The following RAB8B variants were observed in gnomAD, a reference collection of about 807,000 sequenced individuals.
RAB8B encodes RAB8B, member RAS oncogene family.
In RAB8B, 11 loss-of-function variants were observed where a neutral mutation model predicts 32.0. That is an observed-to-expected ratio of 0.34 (90% confidence interval 0.22 to 0.57). The LOEUF (loss-of-function observed/expected upper bound fraction) is 0.57, where lower values mean the gene tolerates loss of function less well. RAB8B is among the 20% of genes least tolerant of loss of function. The pLI, the probability that RAB8B is intolerant of heterozygous loss-of-function variation, is 0.86. For synonymous variants in RAB8B, 103 were observed against 89.6 expected (o/e 1.15, Z -0.85); for missense variants, 190 against 258.5 (o/e 0.73, Z 1.82).
At position 63,259,704 on chromosome 15, in the gene RAB8B, A is replaced by C; in HGVS notation, c.480+12A>C. 1 of 1,611,432 alleles carries C rather than the reference A, an allele frequency of 6.2e-7. No individual in the cohort carries two copies. The highest frequency in any genetic ancestry group is 8.5e-7 in the Non-Finnish European group (1 of 1,177,564). ...CAAATGTAGAAGAGGTAAGAAGGAA[A>C]CGTTTGGTGACTGTTACGGAGCAGC... On this transcript the variant is annotated intron_variant, in intron 6 of 7. Coordinates refer to ENST00000321437, the MANE Select transcript of RAB8B (RefSeq NM_016530.3). This position sits in a 1 kb window ranked among gnomAD's most constrained non-coding sequence, Gnocchi z 4.4.
intron 1 of RAB8B, among the ~76,000 whole-genome samples, chr15:63,202,089 TAAAAAAAAAAAAAA>T (rs146981058): frequency 1.2e-5 from 1 of 85,772 alleles, no homozygotes; most frequent in Non-Finnish European, 2.2e-5. Context: ...CCGTCTCTAC[TAAAAAAAAAAAAAA>T]AAAAAAAAAA....
chr15:63,230,369 T>G (rs1025631950), intron 1 of RAB8B, among the ~76,000 whole-genome samples: 1 of 151,908 alleles, frequency 6.6e-6, no homozygotes, highest in Admixed American at 6.6e-5. Context: ...TGGCTTGATC[T>G]CGGCTCACTG....
chr15:63,220,244 A>G (rs2037833038), intron 1 of RAB8B, among the ~76,000 whole-genome samples: 1 of 152,208 alleles, frequency 6.6e-6, no homozygotes, highest in Non-Finnish European at 1.5e-5. Flanking sequence ...CTTTCGTTCT[A>G]TTTCATTTCT....
intron 2 of RAB8B, among the ~76,000 whole-genome samples, chr15:63,245,158 G>A (rs111569614): frequency 7.2e-5 from 11 of 152,294 alleles, no homozygotes; most frequent in African/African-American, 2.2e-4. Flanking sequence ...GAGTAGTCAC[G>A]TCGCAGGAAC....
intron 3 of RAB8B, chr15:63,251,199 A>G (rs1207560937): frequency 1.1e-5 from 5 of 440,824 alleles, no homozygotes; most frequent in South Asian, 8.1e-5. Flanking sequence ...GCCACTTTCT[A>G]TTTTGCTTAG....
chr15:63,252,630 A>G (rs550694274), intron 3 of RAB8B, among the ~76,000 whole-genome samples: 3 of 152,232 alleles, frequency 2.0e-5, no homozygotes, highest in Non-Finnish European at 4.4e-5. Context: ...AGGCAGCCAA[A>G]CACATTGCAT....
rs1293895549 is a variant in RAB8B, at chr15:63,265,272, G to C, written c.*1653G>C. 1 of 151,932 alleles carries C rather than the reference G, an allele frequency of 6.6e-6. No homozygotes were observed. The highest frequency in any genetic ancestry group is 1.5e-5 in the Non-Finnish European group (1 of 67,976). The allele number at this position is 151,932 out of a possible 1,614,324, so 9.4% of individuals were successfully genotyped here. A position where few individuals can be genotyped will look rare whatever the true frequency, so the allele number is the denominator to read the frequency against. On this transcript the variant is annotated 3_prime_UTR_variant, in exon 8 of 8. Transcript: ENST00000321437. This position sits in a 1 kb window ranked among gnomAD's most constrained non-coding sequence, Gnocchi z 4.9. ...GAATGCTTGGACCAGTCAATCTTTT[G>C]TACTTATTTGAAAATATAGGAACAA...
At chr15:63,208,550 C>T (rs545205998) in intron 1 of RAB8B, among the ~76,000 whole-genome samples, 1 of 152,258 alleles carries the variant, frequency 6.6e-6, no homozygotes, top group East Asian at 1.9e-4. Context: ...TTTATTCTCA[C>T]TACCACCACC....
chr15:63,249,711 T>G lies in RAB8B; in HGVS notation c.246+6T>G. 1 of 1,612,592 alleles carries G rather than the reference T, an allele frequency of 6.2e-7. No homozygotes were observed. Among genetic ancestry groups the G allele is most frequent in the Non-Finnish European group, 8.5e-7 (1 of 1,179,188 alleles). ...CGTACTACAGAGGAGCCATGGTGAGTGTGTTGTAGGGTTTTGTAACTCTTC... is the reference window on the plus strand; with the variant it reads ...CGTACTACAGAGGAGCCATGGTGAGGGTGTTGTAGGGTTTTGTAACTCTTC... On this transcript the variant is annotated splice_donor_region_variant and intron_variant, in intron 3 of 7. Coordinates refer to ENST00000321437, the MANE Select transcript of RAB8B (RefSeq NM_016530.3).
intron 1 of RAB8B, among the ~76,000 whole-genome samples, chr15:63,207,192 T>C (rs967447039): frequency 1.3e-5 from 2 of 152,232 alleles, no homozygotes; most frequent in African/African-American, 4.8e-5. Context: ...GATTATTGCA[T>C]TGATGTCCAT....
rs142118730 is a variant in RAB8B, at chr15:63,204,004, G to A, written c.124+14256G>A. Among the ~76,000 whole-genome samples the A allele has an allele frequency of 3.6e-3, 553 of 152,152 alleles. 1 individual carries two copies. Among genetic ancestry groups the A allele is most frequent in the Non-Finnish European group, 5.1e-3 (346 of 67,998 alleles). ...TCTTCTCTGCAGAGGGTTGTCGGGG[G>A]GTGGTTGAATGAAGTGCTGTGGTAA... On this transcript the variant is annotated intron_variant, in intron 1 of 7. Transcript: ENST00000321437.
chr15:63,212,145 C>A (rs2037753023), intron 1 of RAB8B, among the ~76,000 whole-genome samples: 1 of 152,270 alleles, frequency 6.6e-6, no homozygotes, highest in South Asian at 2.1e-4. Context: ...AAAGCCCCAT[C>A]TTCCTACACA....
chr15:63,250,025 A>G (rs1363966800), intron 3 of RAB8B, among the ~76,000 whole-genome samples: 2 of 152,082 alleles, frequency 1.3e-5, no homozygotes, highest in African/African-American at 2.4e-5. Flanking sequence ...AGTCCCAGCT[A>G]CTCGGGAGGC....
chr15:63,209,001 T>C (rs931734952), intron 1 of RAB8B, among the ~76,000 whole-genome samples: 1 of 151,432 alleles, frequency 6.6e-6, no homozygotes, highest in African/African-American at 2.4e-5. Context: ...CAAGCGATTC[T>C]GCCTCAGCCT....
At chr15:63,212,354 G>C (rs1185879985) in intron 1 of RAB8B, among the ~76,000 whole-genome samples, 1 of 152,178 alleles carries the variant, frequency 6.6e-6, no homozygotes, top group Non-Finnish European at 1.5e-5. Flanking sequence ...GATTGCACCA[G>C]CACATTTTTC....
intron 1 of RAB8B, among the ~76,000 whole-genome samples, chr15:63,240,388 C>G (rs1000892202): frequency 6.6e-6 from 1 of 152,088 alleles, no homozygotes. Flanking sequence ...TCACACACAT[C>G]GTCTAATTTA....
intron 1 of RAB8B, among the ~76,000 whole-genome samples, chr15:63,232,336 T>C (rs946594535): frequency 1.3e-5 from 2 of 152,188 alleles, no homozygotes; most frequent in African/African-American, 2.4e-5. Context: ...AATAGAGACA[T>C]TGTTTAAAAC....
At position 63,266,951 on chromosome 15, in the gene RAB8B, T is replaced by A. The variant is rs749233009; in HGVS notation, c.*3332T>A. 5 of 152,512 alleles carry A rather than the reference T, an allele frequency of 3.3e-5. No homozygotes were observed. Among genetic ancestry groups the A allele is most frequent in the Admixed American group, 3.3e-4 (5 of 15,274 alleles). The allele number at this position is 152,512 out of a possible 1,614,324, so 9.4% of individuals were successfully genotyped here. A position where few individuals can be genotyped will look rare whatever the true frequency, so the allele number is the denominator to read the frequency against. On this transcript the variant is annotated 3_prime_UTR_variant, in exon 8 of 8. Coordinates refer to ENST00000321437, the MANE Select transcript of RAB8B (RefSeq NM_016530.3). The stretch of plus-strand genomic sequence containing the variant: ...AATCTTTAAAAACCACATTTCATTA[T>A]GTTGGTTAATTATTATAAATTTTAA...
rs1247946526 is a variant in RAB8B at position 63,247,822 on chromosome 15, C to T, written c.186-1823C>T. Among the ~76,000 whole-genome samples, 4 of 152,128 alleles carry T rather than the reference C, an allele frequency of 2.6e-5. 1 individual carries two copies. Among genetic ancestry groups the T allele is most frequent in the South Asian group, 4.1e-4 (2 of 4,820 alleles). On this transcript the variant is annotated intron_variant, in intron 2 of 7. Transcript: ENST00000321437. Reference sequence around the variant, plus strand: ...GGGACTGAGAGTGGTTAGGTCCACTCGAGGGCATATGTGATGAAGCTGGGA... The same window carrying T: ...GGGACTGAGAGTGGTTAGGTCCACTTGAGGGCATATGTGATGAAGCTGGGA...
Sources: allele counts gnomAD v4.1 joint callset (sites outside exome capture counted in the v4.1 genomes callset), GRCh38; gene constraint gnomAD v4.1.1; non-coding constraint Gnocchi (gnomAD v3.1); transcripts MANE v1.5; gene names NCBI Gene and HGNC (gene_info 2026-07-23, HGNC 2026-07-21).